SAMD4A: variants seen among roughly 807,000 people sequenced by gnomAD.
SAMD4A encodes the protein sterile alpha motif domain containing 4A, also known as protein Smaug homolog 1.
SAMD4A carries 33 observed loss-of-function variants against 81.3 expected under a neutral mutation model. The ratio of observed to expected loss-of-function variants is 0.41; its 90% confidence interval spans 0.31 to 0.54. The LOEUF (loss-of-function observed/expected upper bound fraction) is 0.54, where lower values mean the gene tolerates loss of function less well. Ranked by LOEUF, SAMD4A falls within the 20% of genes least tolerant of loss-of-function variation. SAMD4A has a pLI of 0.37. For missense variants in SAMD4A, 854 were observed against 951.1 expected (o/e 0.90, Z 1.34); for synonymous variants, 389 against 382.1 (o/e 1.02, Z -0.21).
upstream of SAMD4A, among the ~76,000 whole-genome samples, chr14:54,565,943 TC>T (rs1374998135): frequency 6.8e-6 from 1 of 146,868 alleles, no homozygotes; most frequent in Non-Finnish European, 1.5e-5. The surrounding 1 kb of genome is among the most constrained non-coding windows in gnomAD (Gnocchi z 5.4). Context: ...TAGGAATCCG[TC>T]CCCCCGCCCT....
upstream of SAMD4A, among the ~76,000 whole-genome samples, chr14:54,566,715 C>A (rs1157461780): frequency 6.6e-6 from 1 of 151,732 alleles, no homozygotes; most frequent in Non-Finnish European, 1.5e-5. Flanking sequence ...CAGACCAGCC[C>A]GTAGGCGGCG....
intron 2 of SAMD4A, among the ~76,000 whole-genome samples, chr14:54,686,610 T>C (rs1242561795): frequency 6.7e-6 from 1 of 150,128 alleles, no homozygotes; most frequent in Non-Finnish European, 1.5e-5. Flanking sequence ...AGGGTTTGAG[T>C]TGGCAACTCA....
chr14:54,730,328 A>G (rs2037530467), intron 3 of SAMD4A, among the ~76,000 whole-genome samples: 2 of 152,156 alleles, frequency 1.3e-5, no homozygotes, highest in Admixed American at 6.5e-5. Flanking sequence ...CCCTGTTGTG[A>G]TGTTCTTTGC....
At chr14:54,671,120 G>A (rs1005568275) in intron 2 of SAMD4A, among the ~76,000 whole-genome samples, 8 of 152,184 alleles carry the variant, frequency 5.3e-5, no homozygotes, top group South Asian at 2.1e-4. Flanking sequence ...TAAGTGTGGC[G>A]AAAGTGAGGC....
chr14:54,569,507 A>T (rs2033065937), intron 2 of SAMD4A, among the ~76,000 whole-genome samples: 1 of 152,170 alleles, frequency 6.6e-6, no homozygotes, highest in Non-Finnish European at 1.5e-5. Context: ...CCCAGCTCAC[A>T]CCAGGACTCA....
At chr14:54,761,898 G>A (rs2038408271) in intron 7 of SAMD4A, among the ~76,000 whole-genome samples, 2 of 152,112 alleles carry the variant, frequency 1.3e-5, no homozygotes, top group African/African-American at 4.8e-5. Flanking sequence ...GATTGTGATT[G>A]CCTGTTTGCT....
intron 4 of SAMD4A, among the ~76,000 whole-genome samples, chr14:54,743,542 T>C (rs368300147): frequency 6.6e-6 from 1 of 152,258 alleles, no homozygotes; most frequent in East Asian, 1.9e-4. Flanking sequence ...GCCTTTGATG[T>C]GGACACAGCC....
intron 2 of SAMD4A, among the ~76,000 whole-genome samples, chr14:54,655,513 C>T (rs892448339): frequency 8.5e-5 from 13 of 152,092 alleles, no homozygotes; most frequent in African/African-American, 3.1e-4. Context: ...AGGCGGATCA[C>T]CTGAGGTCGG....
chr14:54,598,591 G>A (rs1239550136), intron 2 of SAMD4A, among the ~76,000 whole-genome samples: 1 of 152,044 alleles, frequency 6.6e-6, no homozygotes, highest in East Asian at 1.9e-4. Context: ...TCTTCCTTAG[G>A]AAAAAGTAGA....
chr14:54,581,783 T>A (rs977516263), intron 2 of SAMD4A, among the ~76,000 whole-genome samples: 4 of 152,212 alleles, frequency 2.6e-5, no homozygotes, highest in Non-Finnish European at 4.4e-5. Flanking sequence ...TTTAAAGAGG[T>A]AAACCTAGAT....
chr14:54,764,905 T>C (rs74049643), intron 8 of SAMD4A, among the ~76,000 whole-genome samples: 1,994 of 152,308 alleles, frequency 0.013, 45 homozygotes, highest in African/African-American at 0.045. Context: ...CTCTTGCCTT[T>C]TAGCTCAGGG....
chr14:54,670,108 G>A (rs1017277077), intron 2 of SAMD4A, among the ~76,000 whole-genome samples: 10 of 152,186 alleles, frequency 6.6e-5, no homozygotes, highest in South Asian at 4.2e-4. Context: ...CCTTTCTTCC[G>A]AACAGAACAT....
chr14:54,708,844 G>A (rs2036919383), intron 3 of SAMD4A, among the ~76,000 whole-genome samples: 1 of 152,142 alleles, frequency 6.6e-6, no homozygotes, highest in Non-Finnish European at 1.5e-5. Context: ...AGGTAATTAA[G>A]GGATGAAAAA....
rs941122108 is a variant in SAMD4A at position 54,791,378 on chromosome 14, C to T, written c.*2434C>T. The T allele has an allele frequency of 4.6e-5, 7 of 152,344 alleles. No individual in the cohort carries two copies. Among genetic ancestry groups the T allele is most frequent in the Non-Finnish European group, 7.4e-5 (5 of 68,024 alleles). 9.4% of individuals were successfully genotyped at this position (152,344 alleles called of 1,614,324 possible). A position where few individuals can be genotyped will look rare whatever the true frequency, so the allele number is the denominator to read the frequency against. ...TGTTATTCAGAAAACAGATTGTGAA[C>T]ACAATCACATTCGCATGAATCCTTT... On this transcript the variant is annotated 3_prime_UTR_variant, in exon 13 of 13. Transcript: ENST00000554335.
At chr14:54,786,434 G>A (rs1029583475) in intron 12 of SAMD4A, among the ~76,000 whole-genome samples, 6 of 152,350 alleles carry the variant, frequency 3.9e-5, no homozygotes, top group African/African-American at 1.4e-4. Flanking sequence ...TTCAAAGGGT[G>A]CAATTTATGA....
At chr14:54,707,427 A>AT (rs1019297137) in intron 3 of SAMD4A, among the ~76,000 whole-genome samples, 4 of 151,918 alleles carry the variant, frequency 2.6e-5, no homozygotes, top group Admixed American at 6.6e-5. Flanking sequence ...TGATTTACTC[A>AT]TTTTTTCATT....
rs534716156 is a variant in SAMD4A, at chr14:54,691,846, C to T, written c.197-10216C>T. Among the ~76,000 whole-genome samples the T allele has an allele frequency of 1.4e-4, 22 of 152,320 alleles. No homozygotes were observed. The South Asian group carries it at 4.6e-3, about 32-fold the overall frequency. On this transcript the variant is annotated intron_variant, in intron 2 of 12. Transcript: ENST00000554335. ...GTACAGTTAGCCAGGCCTTTCTTTCCAAAAAGAGTATCAGTTAATTTGTGA... is the reference window on the plus strand; with the variant it reads ...GTACAGTTAGCCAGGCCTTTCTTTCTAAAAAGAGTATCAGTTAATTTGTGA...
intron 11 of SAMD4A, among the ~76,000 whole-genome samples, chr14:54,777,012 C>A (rs2038871104): frequency 6.6e-6 from 1 of 152,222 alleles, no homozygotes; most frequent in South Asian, 2.1e-4. Flanking sequence ...GGTTAAAGAG[C>A]AACTTAGCAC....
At chr14:54,772,292 T>A (rs2038726289) in intron 9 of SAMD4A, among the ~76,000 whole-genome samples, 1 of 152,256 alleles carries the variant, frequency 6.6e-6, no homozygotes, top group African/African-American at 2.4e-5. Context: ...AAAGGAAAAC[T>A]TGCTTTTGTC....
Sources: allele counts gnomAD v4.1 joint callset (sites outside exome capture counted in the v4.1 genomes callset), GRCh38; gene constraint gnomAD v4.1.1; non-coding constraint Gnocchi (gnomAD v3.1); transcripts MANE v1.5; gene names NCBI Gene and HGNC (gene_info 2026-07-23, HGNC 2026-07-21).